Variants in SNTG2 observed in about 807,000 individuals in gnomAD.
SNTG2 encodes gamma-2-syntrophin.
Under a neutral mutation model 70.9 loss-of-function variants are expected in SNTG2, and 74 were observed. The observed-to-expected ratio is 1.04, with a 90% CI of 0.86 to 1.27. The LOEUF (loss-of-function observed/expected upper bound fraction) is 1.27. Among genes scored for constraint, SNTG2 ranks in the 50% most tolerant of loss-of-function variants. The pLI, the probability that SNTG2 is intolerant of heterozygous loss-of-function variation, is 0.00. For synonymous variants in SNTG2, 278 were observed against 273.8 expected, an observed-to-expected ratio of 1.02 and a Z score of -0.15; for missense variants, 717 against 690.7, an observed-to-expected ratio of 1.04 and a Z score of -0.43.
At chr2:1,034,853 A>G (rs1661045624) in intron 1 of SNTG2, among the ~76,000 whole-genome samples, 1 of 152,228 alleles carries the variant, frequency 6.6e-6, no homozygotes, top group Admixed American at 6.5e-5. Context: ...TGAATTTAGT[A>G]CTGGACAAAA....
intron 11 of SNTG2, among the ~76,000 whole-genome samples, chr2:1,246,578 T>C (rs2148129727): frequency 6.6e-6 from 1 of 152,334 alleles, no homozygotes; most frequent in South Asian, 2.1e-4. Context: ...CTTATTTTTA[T>C]TTTTTTAAGT....
At chr2:1,184,732 TC>T (rs1343012461) in intron 8 of SNTG2, among the ~76,000 whole-genome samples, 1 of 152,164 alleles carries the variant, frequency 6.6e-6, no homozygotes, top group Non-Finnish European at 1.5e-5. Flanking sequence ...TTCAATCACC[TC>T]CCATCAGGCC....
intron 16 of SNTG2, among the ~76,000 whole-genome samples, chr2:1,349,777 A>C (rs573119746): frequency 6.6e-6 from 1 of 152,342 alleles, no homozygotes; most frequent in Admixed American, 6.5e-5. Flanking sequence ...ATCACCACCA[A>C]GCCCCAGGAC....
At chr2:1,070,723 G>A (rs1396920610) in intron 1 of SNTG2, among the ~76,000 whole-genome samples, 6 of 152,268 alleles carry the variant, frequency 3.9e-5, no homozygotes, top group Admixed American at 6.5e-5. Context: ...TTTAAGGTCC[G>A]GAAAGGAAGC....
intron 16 of SNTG2, among the ~76,000 whole-genome samples, chr2:1,362,125 C>A (rs1661198816): frequency 6.6e-6 from 1 of 152,150 alleles, no homozygotes. Context: ...CTGAGCATTT[C>A]AGTAGAACTT....
intron 2 of SNTG2, among the ~76,000 whole-genome samples, chr2:1,096,543 C>A (rs1170819146): frequency 6.6e-6 from 1 of 152,110 alleles, no homozygotes; most frequent in Admixed American, 6.5e-5. Context: ...CGTTCAACAT[C>A]CTTAGATTCC....
intron 1 of SNTG2, among the ~76,000 whole-genome samples, chr2:1,048,541 G>A (rs896554858): frequency 5.3e-5 from 8 of 151,832 alleles, no homozygotes; most frequent in African/African-American, 1.7e-4. Flanking sequence ...TATTGTATTC[G>A]CTGTGTGAGG....
chr2:1,050,849 A>G (rs1350352690), intron 1 of SNTG2, among the ~76,000 whole-genome samples: 2 of 152,174 alleles, frequency 1.3e-5, no homozygotes, highest in East Asian at 3.8e-4. Flanking sequence ...ATTCCTCCCA[A>G]TAATGTTTTG....
At chr2:1,069,574 C>T (rs997442226) in intron 1 of SNTG2, among the ~76,000 whole-genome samples, 6 of 151,704 alleles carry the variant, frequency 4.0e-5, no homozygotes, top group African/African-American at 7.3e-5. Context: ...AGGGAGATCA[C>T]GAGGTCAAGA....
intron 1 of SNTG2, among the ~76,000 whole-genome samples, chr2:1,069,084 G>A (rs905422294): frequency 5.9e-5 from 9 of 152,186 alleles, no homozygotes; most frequent in Non-Finnish European, 1.2e-4. Flanking sequence ...AGTGAGGAAT[G>A]TGTTGCACAT....
chr2:1,362,800 C>T lies in SNTG2; in HGVS notation c.1489-4543C>T, dbSNP rs542077308. Among the ~76,000 whole-genome samples, 104 of 152,014 alleles carry T rather than the reference C, an allele frequency of 6.8e-4. 3 individuals are homozygous for T. The highest frequency in any genetic ancestry group is 2.3e-3 in the African/African-American group (94 of 41,442). ...ACGCTGAGCATTTCAATAGAACTTC[C>T]GTGAAAGTCACCGATGCTGAGCATT... On this transcript the variant is annotated intron_variant, in intron 16 of 16. Transcript: ENST00000308624.
At chr2:1,042,110 A>T (rs1309770035) in intron 1 of SNTG2, among the ~76,000 whole-genome samples, 1 of 152,244 alleles carries the variant, frequency 6.6e-6, no homozygotes, top group African/African-American at 2.4e-5. Flanking sequence ...GATTTCACAG[A>T]TGCTGAATTA....
chr2:1,358,380 AT>A (rs35158260), intron 16 of SNTG2, among the ~76,000 whole-genome samples: 15 of 149,532 alleles, frequency 1.0e-4, no homozygotes, highest in Admixed American at 2.0e-4. Context: ...TCCAATCTTT[AT>A]TTTTTTTTTG....
intron 9 of SNTG2, among the ~76,000 whole-genome samples, chr2:1,218,015 CTGGCAGAATTCA>C: frequency 6.6e-6 from 1 of 152,076 alleles, no homozygotes; most frequent in Non-Finnish European, 1.5e-5. Context: ...CTCAGGGTTG[CTGGCAGAATTCA>C]GTCCCTTGAC....
rs117795036 is a variant in SNTG2 at position 1,210,110 on chromosome 2, G to A, written c.719+880G>A. 3.3e-5 allele frequency among the ~76,000 whole-genome samples: 5 copies of A among 152,314 alleles called. No individual in the cohort carries two copies. The East Asian group carries it at 7.7e-4, about 23-fold the overall frequency. ...TAGCAAACATTGCTTTTCATGAAGC[G>A]TTAGAATTAGGTTTTCTATATTAAT... On this transcript the variant is annotated intron_variant, in intron 9 of 16. Transcript: ENST00000308624.
intron 4 of SNTG2, among the ~76,000 whole-genome samples, chr2:1,102,881 C>A (rs1665870872): frequency 6.6e-6 from 1 of 152,226 alleles, no homozygotes; most frequent in South Asian, 2.1e-4. Flanking sequence ...GGCAGCCCAG[C>A]TCAGCTCACT....
chr2:1,138,262 G>A (rs557775207), intron 6 of SNTG2, among the ~76,000 whole-genome samples: 22 of 152,326 alleles, frequency 1.4e-4, no homozygotes, highest in African/African-American at 3.1e-4. Flanking sequence ...AATGTGTGCC[G>A]TGGAGGACAC....
chr2:1,040,232 A>G (rs1306441315), intron 1 of SNTG2, among the ~76,000 whole-genome samples: 1 of 152,174 alleles, frequency 6.6e-6, no homozygotes, highest in Non-Finnish European at 1.5e-5. Flanking sequence ...ACCCCACGCC[A>G]GTGACACCAG....
At chr2:1,046,196 T>C (rs1262579278) in intron 1 of SNTG2, among the ~76,000 whole-genome samples, 3 of 152,134 alleles carry the variant, frequency 2.0e-5, no homozygotes, top group Non-Finnish European at 4.4e-5. Flanking sequence ...AAAACCCTGC[T>C]GTTTTCTGCT....
Sources: gnomAD v4.1 joint callset for allele counts (sites outside exome capture counted in the v4.1 genomes callset) on GRCh38, gnomAD v4.1.1 for gene constraint, MANE v1.5 for transcripts, NCBI Gene and HGNC (gene_info 2026-07-23, HGNC 2026-07-21) for gene names.